Variants in ERI3 observed in about 807,000 individuals in gnomAD.
ERI3 encodes the protein ERI1 exoribonuclease 3.
A neutral mutation model predicts 44.4 loss-of-function variants in ERI3; 18 were observed. The ratio of observed to expected loss-of-function variants is 0.41; its 90% confidence interval spans 0.28 to 0.60. ERI3 has a LOEUF of 0.60. Among genes scored for constraint, ERI3 ranks in the 20% least tolerant of loss-of-function variants. ERI3 has a pLI of 0.36. For missense variants in ERI3, 294 were observed against 435.5 expected (o/e 0.68, Z 2.89); for synonymous variants, 183 against 164.8 (o/e 1.11, Z -0.84).
At chr1:44,299,489 A>AT (rs1193333441) in intron 6 of ERI3, among the ~76,000 whole-genome samples, 3 of 151,982 alleles carry the variant, frequency 2.0e-5, no homozygotes, top group South Asian at 2.1e-4. Flanking sequence ...CCAGACCTCA[A>AT]TTTTTTTTAA....
chr1:44,318,471 G>A (rs980713819), intron 4 of ERI3, among the ~76,000 whole-genome samples: 2 of 152,210 alleles, frequency 1.3e-5, no homozygotes, highest in Non-Finnish European at 2.9e-5. Context: ...GGGAAACCCC[G>A]GCAGAGGAAG....
At chr1:44,348,295 C>G (rs982822920) in intron 2 of ERI3, among the ~76,000 whole-genome samples, 5 of 152,078 alleles carry the variant, frequency 3.3e-5, no homozygotes, top group African/African-American at 1.2e-4. Context: ...TGCCGGAATA[C>G]CATTAAAAGG....
intron 5 of ERI3, among the ~76,000 whole-genome samples, chr1:44,312,760 A>G (rs1454974214): frequency 6.6e-6 from 1 of 152,214 alleles, no homozygotes; most frequent in Non-Finnish European, 1.5e-5. Context: ...TGAGTTAATG[A>G]AGTGCTCACA....
intron 8 of ERI3, among the ~76,000 whole-genome samples, chr1:44,243,167 T>C (rs543507181): frequency 6.6e-6 from 1 of 152,352 alleles, no homozygotes; most frequent in Admixed American, 6.5e-5. Flanking sequence ...AGCCCAGCTC[T>C]CTTGCCAAAC....
At chr1:44,351,878 A>G (rs1388628043) in intron 2 of ERI3, among the ~76,000 whole-genome samples, 2 of 151,666 alleles carry the variant, frequency 1.3e-5, no homozygotes, top group East Asian at 1.9e-4. Context: ...GTTTAATTCT[A>G]TGTGAGGAGG....
chr1:44,328,338 G>A (rs1572291457), intron 3 of ERI3, among the ~76,000 whole-genome samples: 1 of 150,992 alleles, frequency 6.6e-6, no homozygotes, highest in Non-Finnish European at 1.5e-5. Context: ...AAGCTAAGAG[G>A]GTCAGCTGTT....
chr1:44,354,800 C>A, intron 1 of ERI3, 92 bp downstream of exon 1: 2 of 1,296,400 alleles, frequency 1.5e-6, no homozygotes, highest in South Asian at 3.3e-5. Context: ...TGGGCCAGCA[C>A]CCCAGGTTGC....
intron 3 of ERI3, among the ~76,000 whole-genome samples, chr1:44,329,003 G>C (rs1186056412): frequency 6.6e-6 from 1 of 152,166 alleles, no homozygotes; most frequent in African/African-American, 2.4e-5. Flanking sequence ...CTAGCAAAAA[G>C]TCTTCTTGTC....
At chr1:44,276,257 C>A (rs1645179428) in intron 7 of ERI3, among the ~76,000 whole-genome samples, 1 of 152,226 alleles carries the variant, frequency 6.6e-6, no homozygotes, top group African/African-American at 2.4e-5. Flanking sequence ...AGAGGACAAA[C>A]ATCCAAACCA....
At chr1:44,238,302 G>T (rs1644353307) in intron 8 of ERI3, among the ~76,000 whole-genome samples, 1 of 152,030 alleles carries the variant, frequency 6.6e-6, no homozygotes, top group Non-Finnish European at 1.5e-5. Flanking sequence ...GACCAATGAG[G>T]CAGCCGCGGG....
chr1:44,267,659 TCTGCCTGCAGCCCGCCTGC>T (rs532944061), intron 7 of ERI3, among the ~76,000 whole-genome samples: 2 of 152,362 alleles, frequency 1.3e-5, no homozygotes, highest in East Asian at 1.9e-4. Context: ...TGCCCTGGGA[TCTGCCTGCAGCCCGCCTGC>T]CTGCTTGCAG....
intron 8 of ERI3, among the ~76,000 whole-genome samples, chr1:44,234,955 C>A (rs1319534085): frequency 6.6e-6 from 1 of 152,034 alleles, no homozygotes; most frequent in Admixed American, 6.5e-5. Flanking sequence ...TTTTCTGGTA[C>A]TGATAACTGT....
chr1:44,260,906 C>A (rs1644880397), intron 7 of ERI3, among the ~76,000 whole-genome samples: 1 of 152,162 alleles, frequency 6.6e-6, no homozygotes, highest in Admixed American at 6.5e-5. Flanking sequence ...CATGCCCCAC[C>A]CTGACCTCCA....
chr1:44,247,665 G>A (rs1644582910), intron 8 of ERI3, among the ~76,000 whole-genome samples: 1 of 152,160 alleles, frequency 6.6e-6, no homozygotes, highest in Non-Finnish European at 1.5e-5. Context: ...TGCAGCCAGT[G>A]AAGGAGGACC....
At chr1:44,292,459 A>G (rs916941719) in intron 6 of ERI3, among the ~76,000 whole-genome samples, 1 of 152,180 alleles carries the variant, frequency 6.6e-6, no homozygotes, top group African/African-American at 2.4e-5. Flanking sequence ...GACAGAGGCT[A>G]GTGGAACCTG....
rs146195040 is a variant in ERI3, at chr1:44,323,593, G to C, written c.490-3849C>G. On this transcript the variant is annotated intron_variant, in intron 3 of 8. Transcript: ENST00000372257. ...TGAGATGCTCAAGTCTGGGCAAAGG[G>C]TGAAGAGGAGCTGGCCTCCAGTGCT... Among the ~76,000 whole-genome samples, 404 of 152,324 alleles carry C rather than the reference G, an allele frequency of 2.7e-3. 1 individual carries two copies. Among genetic ancestry groups the C allele is most frequent in the African/African-American group, 9.6e-3 (398 of 41,568 alleles).
intron 6 of ERI3, among the ~76,000 whole-genome samples, chr1:44,294,869 T>C (rs540670982): frequency 8.5e-4 from 130 of 152,376 alleles, no homozygotes; most frequent in African/African-American, 3.1e-3. Flanking sequence ...CTTGACCCTA[T>C]GCCTGAACTG....
At chr1:44,261,659 G>A (rs995025045) in intron 7 of ERI3, among the ~76,000 whole-genome samples, 5 of 152,244 alleles carry the variant, frequency 3.3e-5, no homozygotes, top group Admixed American at 1.3e-4. Flanking sequence ...GCTCCGCTCC[G>A]TCCCCAAAGA....
At chr1:44,249,241 G>A (rs1644624600) in intron 7 of ERI3, among the ~76,000 whole-genome samples, 1 of 152,154 alleles carries the variant, frequency 6.6e-6, no homozygotes, top group Admixed American at 6.5e-5. Flanking sequence ...TGGTCAGAAT[G>A]AAGCTTGGGT....
Sources: allele counts gnomAD v4.1 joint callset (sites outside exome capture counted in the v4.1 genomes callset), GRCh38; gene constraint gnomAD v4.1.1; transcripts MANE v1.5; gene names NCBI Gene and HGNC (gene_info 2026-07-23, HGNC 2026-07-21).